The following GLCCI1 variants were observed in gnomAD, a reference collection of about 807,000 sequenced individuals.
The protein encoded by GLCCI1 is glucocorticoid induced 1, also known as glucocorticoid-induced transcript 1 protein.
GLCCI1 carries 24 observed loss-of-function variants against 52.2 expected under a neutral mutation model. The ratio of observed to expected loss-of-function variants is 0.46; its 90% CI spans 0.33 to 0.65. The LOEUF is 0.65. GLCCI1 is among the 30% of genes least tolerant of loss of function. The pLI, the probability that GLCCI1 is intolerant of heterozygous loss-of-function variation, is 0.02. For synonymous variants in GLCCI1, 310 were observed against 276.5 expected (o/e 1.12, Z -1.20); for missense variants, 704 against 701.5 (o/e 1.00, Z -0.04).
At chr7:8,025,373 A>G (rs1194386134) in intron 3 of GLCCI1, among the ~76,000 whole-genome samples, 3 of 152,190 alleles carry the variant, frequency 2.0e-5, no homozygotes, top group African/African-American at 7.2e-5. Context: ...GAATTTTCAC[A>G]AAGAGTTAGT....
chr7:7,980,593 G>T, intron 1 of GLCCI1: 2 of 654,914 alleles, frequency 3.1e-6, no homozygotes, highest in East Asian at 2.6e-5. Flanking sequence ...GTCTATTTTT[G>T]GCCTAGGATT....
chr7:8,034,642 A>G (rs1781825848), intron 3 of GLCCI1, among the ~76,000 whole-genome samples: 1 of 152,198 alleles, frequency 6.6e-6, no homozygotes, highest in Non-Finnish European at 1.5e-5. Context: ...GTTACAGGTG[A>G]ATAATCATAA....
At chr7:7,973,885 A>G (rs1300859579) in intron 1 of GLCCI1, among the ~76,000 whole-genome samples, 1 of 152,040 alleles carries the variant, frequency 6.6e-6, no homozygotes, top group Non-Finnish European at 1.5e-5. Flanking sequence ...ACTGTGCTCA[A>G]TGGAATACAA....
chr7:7,970,205 A>G (rs1780314233), intron 1 of GLCCI1, among the ~76,000 whole-genome samples: 1 of 152,342 alleles, frequency 6.6e-6, no homozygotes, highest in East Asian at 1.9e-4. Flanking sequence ...GCTTTTCTGC[A>G]AAGTTCCTAA....
intron 2 of GLCCI1, 121 bp downstream of exon 2, chr7:8,004,180 A>G (rs762199354): frequency 9.4e-5 from 84 of 896,842 alleles, no homozygotes; most frequent in Non-Finnish European, 1.2e-4. Flanking sequence ...CAAGGAAGAA[A>G]GGAAAAATCC....
chr7:8,038,818 T>C (rs1160841084), intron 3 of GLCCI1, among the ~76,000 whole-genome samples: 1 of 151,668 alleles, frequency 6.6e-6, no homozygotes, highest in African/African-American at 2.4e-5. Flanking sequence ...ACAGAGAAAA[T>C]AGACTACCTA....
chr7:8,038,896 A>G (rs920731634), intron 3 of GLCCI1, among the ~76,000 whole-genome samples: 2 of 152,206 alleles, frequency 1.3e-5, no homozygotes, highest in African/African-American at 4.8e-5. Context: ...TCTACAAGGA[A>G]GTCAAACAAT....
In GLCCI1 at chr7:7,990,532, A is replaced by G. The variant is rs115671505; in HGVS notation, c.458-13376A>G. On this transcript the variant is annotated intron_variant, in intron 1 of 7. Coordinates refer to ENST00000223145, the MANE Select transcript of GLCCI1 (RefSeq NM_138426.4). ...TCTTCAGTTGCTCTCAATCCTTGGC[A>G]AAACTTCCTGGCAATCTTTTATGCA... Among the ~76,000 whole-genome samples the G allele has an allele frequency of 6.3e-3, 954 of 152,252 alleles. 5 individuals carry two copies. The highest frequency in any genetic ancestry group is 0.021 in the African/African-American group (865 of 41,570).
intron 3 of GLCCI1, among the ~76,000 whole-genome samples, chr7:8,048,871 G>A (rs759686422): frequency 2.0e-5 from 3 of 152,176 alleles, no homozygotes; most frequent in Non-Finnish European, 4.4e-5. Context: ...TTATGGAAGA[G>A]GAACACTGAG....
At chr7:8,082,990 C>A (rs934946753) in intron 6 of GLCCI1, among the ~76,000 whole-genome samples, 1 of 152,208 alleles carries the variant, frequency 6.6e-6, no homozygotes, top group African/African-American at 2.4e-5. Flanking sequence ...TAACTACTGA[C>A]ATGACTGCTA....
At chr7:7,980,711 C>T (rs1780596651) in intron 1 of GLCCI1, 1 of 737,750 alleles carries the variant, frequency 1.4e-6, no homozygotes, top group African/African-American at 1.7e-5. Context: ...CAACATGGAT[C>T]TCAGTTTCTT....
At chr7:7,982,190 C>G (rs1214239155) in intron 1 of GLCCI1, 2 of 269,122 alleles carry the variant, frequency 7.4e-6, no homozygotes, top group Non-Finnish European at 1.5e-5. Flanking sequence ...AGCAGAAATC[C>G]AAAGAAAAAT....
intron 1 of GLCCI1, among the ~76,000 whole-genome samples, chr7:7,975,280 A>G (rs889777134): frequency 6.6e-6 from 1 of 152,246 alleles, no homozygotes; most frequent in Non-Finnish European, 1.5e-5. Flanking sequence ...ATGAACAAAC[A>G]TGGCAGATAC....
chr7:7,969,982 A>G lies in GLCCI1; in HGVS notation c.457+175A>G. The G allele has an allele frequency of 1.1e-6, 1 of 873,098 alleles. No individual in the cohort carries two copies. The highest frequency in any genetic ancestry group is 3.8e-5 in the South Asian group (1 of 26,566). The allele number at this position is 873,098 out of a possible 1,614,324, so 54.1% of individuals were successfully genotyped here. On this transcript the variant is annotated intron_variant, in intron 1 of 7. Coordinates refer to ENST00000223145, the MANE Select transcript of GLCCI1 (RefSeq NM_138426.4). This position sits in a 1 kb window ranked among gnomAD's most constrained non-coding sequence, Gnocchi z 4.9. ...TGGGGCTTGGAGGAGCGAACTGAAA[A>G]GCGACTTTTATTTGACCCTCATGCC... is the stretch of plus-strand genomic sequence containing the variant.
At chr7:8,075,330 T>C (rs1782854508) in intron 6 of GLCCI1, among the ~76,000 whole-genome samples, 1 of 152,182 alleles carries the variant, frequency 6.6e-6, no homozygotes, top group East Asian at 1.9e-4. Flanking sequence ...TTGGTCACAC[T>C]GGTCACATGT....
intron 1 of GLCCI1, among the ~76,000 whole-genome samples, chr7:7,973,288 A>T (rs557953481): frequency 1.3e-5 from 2 of 152,204 alleles, no homozygotes; most frequent in Non-Finnish European, 2.9e-5. Flanking sequence ...AGTAACAACC[A>T]AAAGAAAATA....
chr7:7,982,705 A>G (rs1780646517), intron 1 of GLCCI1, among the ~76,000 whole-genome samples: 1 of 152,122 alleles, frequency 6.6e-6, no homozygotes, highest in Non-Finnish European at 1.5e-5. Context: ...CTCTAAATGA[A>G]ATGTTAATTT....
In GLCCI1 at chr7:7,969,298, C is replaced by G; in HGVS notation, c.-53C>G. ...CCGGCTCCCACACGCTCGCGCGCCTCCCGCCCCGCGCCTCCGTGTCGGCCG... is the reference window on the plus strand; with the variant it reads ...CCGGCTCCCACACGCTCGCGCGCCTGCCGCCCCGCGCCTCCGTGTCGGCCG... On this transcript the variant is annotated 5_prime_UTR_variant, in exon 1 of 8. Coordinates refer to ENST00000223145, the MANE Select transcript of GLCCI1 (RefSeq NM_138426.4). This position sits in a 1 kb window ranked among gnomAD's most constrained non-coding sequence, Gnocchi z 4.9. The G allele has an allele frequency of 7.4e-7, 1 of 1,360,144 alleles. No homozygotes were observed. Among genetic ancestry groups the G allele is most frequent in the Non-Finnish European group, 9.6e-7 (1 of 1,046,570 alleles). 84.3% of individuals were successfully genotyped at this position (1,360,144 alleles called of 1,614,324 possible).
intron 3 of GLCCI1, among the ~76,000 whole-genome samples, chr7:8,039,563 C>T (rs1781950287): frequency 6.6e-6 from 1 of 152,132 alleles, no homozygotes; most frequent in Non-Finnish European, 1.5e-5. Context: ...TATTCTTACT[C>T]ATAAGTGGGA....
Sources: allele counts gnomAD v4.1 joint callset (sites outside exome capture counted in the v4.1 genomes callset), GRCh38; gene constraint gnomAD v4.1.1; non-coding constraint Gnocchi (gnomAD v3.1); transcripts MANE v1.5; gene names NCBI Gene and HGNC (gene_info 2026-07-23, HGNC 2026-07-21).